The following INTS14 variants were observed in gnomAD, a reference collection of about 807,000 sequenced individuals.
INTS14 encodes integrator complex subunit 14, also known as UPF0464 protein C15orf44.
A neutral mutation model predicts 56.9 loss-of-function variants in INTS14; 27 were observed. The ratio of observed to expected loss-of-function variants is 0.47; its 90% CI spans 0.35 to 0.65. The LOEUF is 0.65. Ranked by LOEUF, INTS14 falls within the 30% of genes least tolerant of loss-of-function variation. The pLI is 0.00. For missense variants in INTS14, 517 were observed against 632.2 expected, an observed-to-expected ratio of 0.82 and a Z score of 1.95; for synonymous variants, 207 against 236.2, an observed-to-expected ratio of 0.88 and a Z score of 1.13.
intron 1 of INTS14, among the ~76,000 whole-genome samples, chr15:65,609,073 C>T (rs767427166): frequency 1.3e-5 from 2 of 152,170 alleles, no homozygotes; most frequent in Non-Finnish European, 2.9e-5. Context: ...GCGCGTGTCA[C>T]CACACTCGGC....
At chr15:65,609,344 A>G (rs1351207309) in intron 1 of INTS14, among the ~76,000 whole-genome samples, 1 of 152,142 alleles carries the variant, frequency 6.6e-6, no homozygotes, top group Non-Finnish European at 1.5e-5. Context: ...CATAGGCGTA[A>G]AAGAAGAAAC....
At chr15:65,591,870 AC>A in intron 8 of INTS14, 139 bp from the exon 9 acceptor site, 1 of 858,036 alleles carries the variant, frequency 1.2e-6, no homozygotes, top group Non-Finnish European at 1.7e-6. Flanking sequence ...CCAAAGCCAA[AC>A]CCTAAACCTG....
At chr15:65,584,305 T>C (rs544020332) in intron 10 of INTS14, among the ~76,000 whole-genome samples, 10 of 152,338 alleles carry the variant, frequency 6.6e-5, no homozygotes, top group Admixed American at 5.9e-4. Context: ...ATGAAGACTT[T>C]TACATCTTTT....
intron 11 of INTS14, among the ~76,000 whole-genome samples, 179 bp downstream of exon 11, chr15:65,581,775 A>C (rs2072629709): frequency 6.6e-6 from 1 of 151,596 alleles, no homozygotes; most frequent in African/African-American, 2.4e-5. Flanking sequence ...GGCCATTTAA[A>C]TTCTTCCAAT....
At chr15:65,588,776 C>T (rs1207600063) in intron 9 of INTS14, among the ~76,000 whole-genome samples, 1 of 152,056 alleles carries the variant, frequency 6.6e-6, no homozygotes, top group African/African-American at 2.4e-5. Flanking sequence ...TTGGTACAAA[C>T]AATAGTGCTA....
chr15:65,585,007 A>C, intron 9 of INTS14, 119 bp from the exon 10 acceptor site: 2 of 829,708 alleles, frequency 2.4e-6, no homozygotes, highest in Non-Finnish European at 3.5e-6. Flanking sequence ...TTTGTTAATT[A>C]AGAAAATCCA....
intron 11 of INTS14, among the ~76,000 whole-genome samples, chr15:65,579,923 CAT>C (rs1240336333): frequency 1.3e-5 from 2 of 152,178 alleles, no homozygotes; most frequent in Non-Finnish European, 2.9e-5. Context: ...ATTTATGCCA[CAT>C]GTGGTAGTCA....
rs1464275452 is a variant in INTS14 at position 65,582,014 on chromosome 15, A to G, written c.1245T>C (p.Asp415=). The change falls in exon 11 of 12, where the codon GAT becomes GAC. Residue 415 remains aspartate (D), a synonymous_variant. Coordinates refer to ENST00000313182, the MANE Select transcript of INTS14 (RefSeq NM_001394796.1). ...VWIKPSGLQT[D]VQKILRNARK... ...TTGCATTTCTTAAAATCTTCTGTAC[A>G]TCTGTCTATTAAGGGTAAAAAAAAA... 1 of 1,607,216 alleles carries G rather than the reference A, an allele frequency of 6.2e-7. No individual in the cohort carries two copies. Among genetic ancestry groups the G allele is most frequent in the Non-Finnish European group, 8.5e-7 (1 of 1,178,520 alleles).
chr15:65,600,659 A>C (rs1419458094), intron 3 of INTS14, among the ~76,000 whole-genome samples: 3 of 151,972 alleles, frequency 2.0e-5, no homozygotes, highest in Non-Finnish European at 4.4e-5. Context: ...CCCCGCAAAA[A>C]AAAAAAACAA....
At chr15:65,593,337 T>C (rs1412796280) in intron 8 of INTS14, 91 bp downstream of exon 8, 2 of 1,454,542 alleles carry the variant, frequency 1.4e-6, no homozygotes, top group Admixed American at 2.2e-5. Flanking sequence ...GACAAGGACC[T>C]TTCTATTTCC....
intron 9 of INTS14, among the ~76,000 whole-genome samples, chr15:65,591,289 T>A (rs1453299153): frequency 2.0e-5 from 3 of 152,124 alleles, no homozygotes; most frequent in African/African-American, 7.2e-5. Context: ...TATCTAGGAA[T>A]GACAGGAAAT....
chr15:65,598,820 A>G, intron 5 of INTS14, 52 bp downstream of exon 5: 2 of 1,374,542 alleles, frequency 1.5e-6, no homozygotes, highest in African/African-American at 1.5e-5. Context: ...TGGATGTCAA[A>G]TTATAATACT....
At chr15:65,581,208 C>T (rs955945063) in intron 11 of INTS14, among the ~76,000 whole-genome samples, 5 of 151,822 alleles carry the variant, frequency 3.3e-5, no homozygotes, top group African/African-American at 1.2e-4. Context: ...GGTGAAACCC[C>T]GTCTCTACTA....
intron 9 of INTS14, among the ~76,000 whole-genome samples, chr15:65,585,605 T>C (rs2072789261): frequency 6.6e-6 from 1 of 152,226 alleles, no homozygotes; most frequent in South Asian, 2.1e-4. Context: ...GGTTTGTCTC[T>C]GTACCTGCTT....
At chr15:65,583,709 C>A (rs1378841381) in intron 10 of INTS14, among the ~76,000 whole-genome samples, 6 of 151,672 alleles carry the variant, frequency 4.0e-5, no homozygotes. Flanking sequence ...GAAAAATAAA[C>A]CCAAGATAGT....
intron 10 of INTS14, 142 bp downstream of exon 10, chr15:65,584,628 A>G: frequency 5.8e-6 from 4 of 689,302 alleles, no homozygotes; most frequent in Non-Finnish European, 9.4e-6. Flanking sequence ...GGGCATCTCA[A>G]ATCCCTTTTG....
Position 65,579,033 on chromosome 15 carries a change from T to A in INTS14, c.*375A>T, listed in dbSNP as rs78304432. On this transcript the variant is annotated 3_prime_UTR_variant, in exon 12 of 12. Coordinates refer to ENST00000313182, the MANE Select transcript of INTS14 (RefSeq NM_001394796.1). Reference sequence around the variant, plus strand: ...AGAAGCTTGAAAATGCCCTTACAGTTGAGATATAAACGAGGGAAGAGGTGA... The same window carrying A: ...AGAAGCTTGAAAATGCCCTTACAGTAGAGATATAAACGAGGGAAGAGGTGA... 1,914 of 179,510 alleles carry A rather than the reference T, an allele frequency of 0.011. 40 individuals carry two copies. The highest frequency in any genetic ancestry group is 0.043 in the African/African-American group (1,824 of 42,146). The allele number at this position is 179,510 out of a possible 1,614,324, so 11.1% of individuals were successfully genotyped here.
chr15:65,609,781 C>G (rs924937915), intron 1 of INTS14, among the ~76,000 whole-genome samples: 6 of 152,094 alleles, frequency 3.9e-5, no homozygotes, highest in Non-Finnish European at 7.4e-5. Flanking sequence ...GTACTGCCCT[C>G]ACCTCTTAGG....
chr15:65,579,884 AAAC>A (rs1566914261), intron 11 of INTS14, among the ~76,000 whole-genome samples: 1 of 152,218 alleles, frequency 6.6e-6, no homozygotes. Flanking sequence ...CAGCTGAATG[AAAC>A]AACGTCATCA....
Sources: allele counts gnomAD v4.1 joint callset (sites outside exome capture counted in the v4.1 genomes callset), GRCh38; gene constraint gnomAD v4.1.1; transcripts MANE v1.5; gene names NCBI Gene and HGNC (gene_info 2026-07-23, HGNC 2026-07-21).